Variants in MAPK8 observed in about 807,000 individuals in gnomAD.
MAPK8 encodes JUN N-terminal kinase.
A neutral mutation model predicts 52.9 loss-of-function variants in MAPK8; 13 were observed. The observed-to-expected ratio is 0.25, with a 90% CI of 0.16 to 0.39. MAPK8 has a LOEUF of 0.39. Among genes scored for constraint, MAPK8 ranks in the 10% least tolerant of loss-of-function variants. The pLI, the probability that MAPK8 is intolerant of heterozygous loss-of-function variation, is 1.00. For synonymous variants in MAPK8, 191 were observed against 169.8 expected, an observed-to-expected ratio of 1.12 and a Z score of -0.97; for missense variants, 300 against 519.2, an observed-to-expected ratio of 0.58 and a Z score of 4.10.
At chr10:48,319,005 A>C (rs1293268069) in intron 1 of MAPK8, among the ~76,000 whole-genome samples, 2 of 152,166 alleles carry the variant, frequency 1.3e-5, no homozygotes, top group Non-Finnish European at 2.9e-5. Flanking sequence ...TTTTCTGGTG[A>C]CCATAAGCAG....
chr10:48,367,103 G>A (rs1848120095), intron 1 of MAPK8, among the ~76,000 whole-genome samples: 1 of 152,120 alleles, frequency 6.6e-6, no homozygotes, highest in South Asian at 2.1e-4. Flanking sequence ...AGAAGTTTCA[G>A]CTGGGTGTAG....
At chr10:48,433,839 T>C (rs373843022) in intron 11 of MAPK8, among the ~76,000 whole-genome samples, 2 of 152,236 alleles carry the variant, frequency 1.3e-5, no homozygotes, top group Non-Finnish European at 2.9e-5. Context: ...TCAGCATCTT[T>C]GGGTGCCTGA....
intron 3 of MAPK8, among the ~76,000 whole-genome samples, chr10:48,405,670 G>A (rs1830543036): frequency 6.6e-6 from 1 of 152,210 alleles, no homozygotes; most frequent in Non-Finnish European, 1.5e-5. Flanking sequence ...GATTTCTTCA[G>A]TTGAGGAAAT....
intron 1 of MAPK8, among the ~76,000 whole-genome samples, chr10:48,340,893 A>G (rs749174908): frequency 2.0e-5 from 3 of 152,216 alleles, no homozygotes; most frequent in Non-Finnish European, 2.9e-5. Flanking sequence ...TCAACTTGGC[A>G]AAGTTTCCAT....
intron 11 of MAPK8, among the ~76,000 whole-genome samples, chr10:48,433,394 T>G (rs960514259): frequency 6.6e-6 from 1 of 152,264 alleles, no homozygotes; most frequent in African/African-American, 2.4e-5. Context: ...CATTGTGTAC[T>G]ATGTATGGTA....
intron 2 of MAPK8, among the ~76,000 whole-genome samples, chr10:48,402,574 T>C (rs1407747972): frequency 6.6e-6 from 1 of 152,242 alleles, no homozygotes; most frequent in Non-Finnish European, 1.5e-5. Context: ...CTGATACTGA[T>C]TGCAGATCAC....
At chr10:48,335,798 C>T (rs1844629148) in intron 1 of MAPK8, among the ~76,000 whole-genome samples, 1 of 152,154 alleles carries the variant, frequency 6.6e-6, no homozygotes, top group Non-Finnish European at 1.5e-5. Context: ...TGTGGATATT[C>T]CTCTTTTATA....
chr10:48,429,371 T>C lies in MAPK8; in HGVS notation c.1061-1822T>C, dbSNP rs184492704. Among the ~76,000 whole-genome samples the C allele has an allele frequency of 2.0e-5, 3 of 152,354 alleles. No homozygotes were observed. The East Asian group carries it at 5.8e-4, about 29-fold the overall frequency. On this transcript the variant is annotated intron_variant, in intron 10 of 11. Transcript: ENST00000374189. ...TAAGGATATATTTGGGGGTTTTGATTGCTTTAAAAACATTTACCTTTATTC... is the reference window on the plus strand; with the variant it reads ...TAAGGATATATTTGGGGGTTTTGATCGCTTTAAAAACATTTACCTTTATTC...
At chr10:48,409,667 C>T (rs2042646604) in intron 3 of MAPK8, among the ~76,000 whole-genome samples, 1 of 152,192 alleles carries the variant, frequency 6.6e-6, no homozygotes, top group Admixed American at 6.5e-5. Context: ...AAATGGGTTA[C>T]AGATACTCTG....
At chr10:48,379,295 T>C (rs1482303691) in intron 1 of MAPK8, among the ~76,000 whole-genome samples, 5 of 152,212 alleles carry the variant, frequency 3.3e-5, no homozygotes, top group South Asian at 4.1e-4. Flanking sequence ...AGACAACTTA[T>C]TAGGTCAAGT....
At chr10:48,330,874 G>C (rs1381850738) in intron 1 of MAPK8, among the ~76,000 whole-genome samples, 1 of 151,990 alleles carries the variant, frequency 6.6e-6, no homozygotes, top group Non-Finnish European at 1.5e-5. Flanking sequence ...TCTACATTCT[G>C]ATCACTTATC....
intron 1 of MAPK8, among the ~76,000 whole-genome samples, chr10:48,343,370 C>G (rs1032642017): frequency 3.3e-5 from 5 of 152,170 alleles, no homozygotes; most frequent in Non-Finnish European, 5.9e-5. Context: ...TCTAATCTCC[C>G]TCTGCTTCTC....
chr10:48,373,926 C>A lies in MAPK8; in HGVS notation c.-49-27686C>A, dbSNP rs1331495355. On this transcript the variant is annotated intron_variant, in intron 1 of 11. Coordinates refer to ENST00000374189, the MANE Select transcript of MAPK8 (RefSeq NM_001323329.2). ...ATAGACGCCTACAGAACTCTCCACCCCAAATCAACAGAATATACGTTCTCC... is the reference window on the plus strand; with the variant it reads ...ATAGACGCCTACAGAACTCTCCACCACAAATCAACAGAATATACGTTCTCC... 2.0e-5 allele frequency among the ~76,000 whole-genome samples: 3 copies of A among 152,106 alleles called. No homozygotes were observed. In the East Asian group the frequency reaches 5.8e-4, roughly 29 times the overall value.
intron 1 of MAPK8, among the ~76,000 whole-genome samples, chr10:48,396,170 A>G (rs1233197593): frequency 6.6e-6 from 1 of 152,170 alleles, no homozygotes; most frequent in Non-Finnish European, 1.5e-5. Flanking sequence ...GGCAAGCCAC[A>G]GACTGGAAGA....
chr10:48,327,355 TTCA>T (rs1843637814), intron 1 of MAPK8, among the ~76,000 whole-genome samples: 1 of 152,266 alleles, frequency 6.6e-6, no homozygotes, highest in Non-Finnish European at 1.5e-5. Context: ...TTGATTTATC[TTCA>T]TTAGCCTGTT....
chr10:48,340,703 C>T (rs1168817472), intron 1 of MAPK8, among the ~76,000 whole-genome samples: 6 of 152,220 alleles, frequency 3.9e-5, no homozygotes, highest in African/African-American at 1.4e-4. Context: ...AGTTTCCTGG[C>T]ATTTGCCCTT....
At chr10:48,319,263 A>G (rs1201041417) in intron 1 of MAPK8, among the ~76,000 whole-genome samples, 1 of 152,236 alleles carries the variant, frequency 6.6e-6, no homozygotes, top group Non-Finnish European at 1.5e-5. Flanking sequence ...TTCACATACC[A>G]TTATAGTTAT....
intron 1 of MAPK8, among the ~76,000 whole-genome samples, chr10:48,391,952 G>C (rs547865650): frequency 6.6e-6 from 1 of 152,284 alleles, no homozygotes; most frequent in East Asian, 1.9e-4. Flanking sequence ...AGAGCTTCCA[G>C]ACCTTCCCAG....
chr10:48,424,399 T>C, intron 7 of MAPK8: 1 of 722,466 alleles, frequency 1.4e-6, no homozygotes, highest in Non-Finnish European at 2.2e-6. Context: ...CATTTTTATT[T>C]TATACTGCTT....
Sources: gnomAD v4.1 joint callset for allele counts (sites outside exome capture counted in the v4.1 genomes callset) on GRCh38, gnomAD v4.1.1 for gene constraint, MANE v1.5 for transcripts, NCBI Gene and HGNC (gene_info 2026-07-23, HGNC 2026-07-21) for gene names.